Variants in EYS observed in about 807,000 individuals in gnomAD.
The protein encoded by EYS is EGF-like photoreceptor maintenance factor.
Under a neutral mutation model 282.1 loss-of-function variants are expected in EYS, and 250 were observed. That is an observed-to-expected ratio of 0.89 (90% CI 0.80 to 0.98). The LOEUF is 0.98. EYS is among the 50% of genes least tolerant of loss of function. The pLI, the probability that EYS is intolerant of heterozygous loss-of-function variation, is 0.00. For synonymous variants in EYS, 1,355 were observed against 1,282.9 expected (o/e 1.06, Z -1.20); for missense variants, 4,016 against 3,709.0 (o/e 1.08, Z -2.15).
chr6:64,709,662 T>G (rs953151853), intron 22 of EYS, among the ~76,000 whole-genome samples: 3 of 152,206 alleles, frequency 2.0e-5, no homozygotes, highest in Non-Finnish European at 4.4e-5. Flanking sequence ...TCCATTAAAA[T>G]TCAAGATAAG....
intron 26 of EYS, among the ~76,000 whole-genome samples, chr6:64,511,442 A>T (rs1777400130): frequency 6.6e-6 from 1 of 151,974 alleles, no homozygotes; most frequent in African/African-American, 2.4e-5. Context: ...TATACAATCA[A>T]AAAGATCTGG....
chr6:64,554,065 TTTTTA>T (rs1328256443), intron 26 of EYS, among the ~76,000 whole-genome samples: 8 of 152,282 alleles, frequency 5.3e-5, no homozygotes, highest in African/African-American at 9.6e-5. Context: ...CACACAGGAT[TTTTTA>T]TTTTATTTCT....
intron 35 of EYS, among the ~76,000 whole-genome samples, chr6:63,927,067 A>G (rs1170221250): frequency 1.3e-5 from 2 of 152,212 alleles, no homozygotes; most frequent in African/African-American, 2.4e-5. Flanking sequence ...TAAAATGGAC[A>G]TGGTCTTGGA....
intron 22 of EYS, among the ~76,000 whole-genome samples, chr6:64,743,715 T>C (rs2149963142): frequency 6.6e-6 from 1 of 152,058 alleles, no homozygotes; most frequent in South Asian, 2.1e-4. Context: ...AGTTACTTGA[T>C]TTTTTTGTTT....
intron 19 of EYS, among the ~76,000 whole-genome samples, chr6:64,881,457 T>C (rs1226027231): frequency 6.6e-6 from 1 of 151,922 alleles, no homozygotes; most frequent in Non-Finnish European, 1.5e-5. Flanking sequence ...TTAGCAAAGG[T>C]AATCTTATCT....
chr6:65,402,595 C>T lies in EYS; in HGVS notation c.1067G>A (p.Cys356Tyr), dbSNP rs1439441412. 2 of 1,572,730 alleles carry T rather than the reference C, an allele frequency of 1.3e-6. No individual in the cohort carries two copies. The highest frequency in any genetic ancestry group is 1.4e-5 in the African/African-American group (1 of 73,798). The change falls in exon 7 of 43, where the codon TGC becomes TAC. Residue 356 changes from cysteine to tyrosine, a missense_variant. Transcript: ENST00000503581. ...ATCTGTAAATATTGGTGAACAGATG[C>T]ACATAACATCCTAGGAAAGATTAAA... ...DCIKISNDVM[C>Y]ICSPIFTDLL...
At chr6:65,013,256 G>A (rs1209990171) in intron 13 of EYS, among the ~76,000 whole-genome samples, 1 of 152,124 alleles carries the variant, frequency 6.6e-6, no homozygotes, top group African/African-American at 2.4e-5. Flanking sequence ...GAACAACAAT[G>A]TATATGAGAA....
chr6:63,920,438 A>C (rs1392649143), intron 35 of EYS, among the ~76,000 whole-genome samples: 1 of 152,078 alleles, frequency 6.6e-6, no homozygotes, highest in Non-Finnish European at 1.5e-5. Context: ...TCTCCTTTAG[A>C]CAACAACTCC....
At chr6:65,698,412 G>A (rs1204456191) in intron 1 of EYS, among the ~76,000 whole-genome samples, 1 of 152,002 alleles carries the variant, frequency 6.6e-6, no homozygotes, top group African/African-American at 2.4e-5. Flanking sequence ...TTAATGCATC[G>A]ATTAAATATG....
At chr6:65,248,984 C>T (rs193210530) in intron 12 of EYS, among the ~76,000 whole-genome samples, 1 of 151,308 alleles carries the variant, frequency 6.6e-6, no homozygotes, top group Admixed American at 6.6e-5. Flanking sequence ...TTTCAGTATA[C>T]TGTGATGTTG....
chr6:64,249,063 C>CCAAAAAAAAAAAAAAAAAAAAAA (rs556152806), intron 30 of EYS, among the ~76,000 whole-genome samples: 1 of 70,060 alleles, frequency 1.4e-5, no homozygotes, highest in African/African-American at 7.0e-5. Context: ...CACCCTGTCT[C>CCAAAAAAAAAAAAAAAAAAAAAA]AAAAAAAAAA....
intron 29 of EYS, among the ~76,000 whole-genome samples, chr6:64,344,515 T>C (rs1313735128): frequency 6.6e-6 from 1 of 151,968 alleles, no homozygotes; most frequent in Non-Finnish European, 1.5e-5. Flanking sequence ...CAACTCTTCA[T>C]GCTAAAAACT....
chr6:64,567,045 G>C (rs571952739), intron 26 of EYS, among the ~76,000 whole-genome samples: 80 of 152,152 alleles, frequency 5.3e-4, no homozygotes, highest in African/African-American at 1.9e-3. Flanking sequence ...AAAGTGCTGG[G>C]ATTACAGGCA....
At chr6:64,818,697 G>A (rs1033540496) in intron 21 of EYS, among the ~76,000 whole-genome samples, 6 of 152,224 alleles carry the variant, frequency 3.9e-5, no homozygotes, top group South Asian at 2.1e-4. Flanking sequence ...AATGGAGGCC[G>A]GAAGACTCAG....
chr6:65,698,542 C>T (rs563653262), intron 1 of EYS, among the ~76,000 whole-genome samples: 1 of 152,254 alleles, frequency 6.6e-6, no homozygotes, highest in East Asian at 1.9e-4. Context: ...AAGAATGCAT[C>T]TAGAAATTGT....
At chr6:63,976,128 G>C (rs1228236442) in intron 35 of EYS, among the ~76,000 whole-genome samples, 2 of 151,942 alleles carry the variant, frequency 1.3e-5, no homozygotes, top group Non-Finnish European at 2.9e-5. Flanking sequence ...ACCTATATAG[G>C]GTACTTATGA....
intron 15 of EYS, among the ~76,000 whole-genome samples, chr6:64,928,855 A>G (rs1256255531): frequency 1.3e-5 from 2 of 152,142 alleles, no homozygotes; most frequent in Non-Finnish European, 2.9e-5. Flanking sequence ...CTAAACAAGC[A>G]AAATTATCTT....
chr6:64,033,619 ATTT>A (rs1189407267), intron 33 of EYS, among the ~76,000 whole-genome samples: 1 of 152,102 alleles, frequency 6.6e-6, no homozygotes, highest in Non-Finnish European at 1.5e-5. Flanking sequence ...AATTGTCAAA[ATTT>A]TTTATCTATT....
chr6:65,323,839 A>T (rs1263451418), intron 11 of EYS, among the ~76,000 whole-genome samples: 1 of 146,774 alleles, frequency 6.8e-6, no homozygotes, highest in East Asian at 2.0e-4. Context: ...AAAGCAGATC[A>T]TGTCATTCCT....
Sources: allele counts gnomAD v4.1 joint callset (sites outside exome capture counted in the v4.1 genomes callset), GRCh38; gene constraint gnomAD v4.1.1; transcripts MANE v1.5; gene names NCBI Gene and HGNC (gene_info 2026-07-23, HGNC 2026-07-21).